Variants in KAZN observed in about 807,000 individuals in gnomAD.
KAZN encodes kazrin, periplakin interacting protein.
In KAZN, 40 loss-of-function variants were observed where a neutral mutation model predicts 87.4. That is an observed-to-expected ratio of 0.46 (90% CI 0.36 to 0.60). KAZN has a LOEUF of 0.60. Among genes scored for constraint, KAZN ranks in the 20% least tolerant of loss-of-function variants. The pLI, the probability that KAZN is intolerant of heterozygous loss-of-function variation, is 0.00. For missense variants in KAZN, 898 were observed against 1,073.9 expected (o/e 0.84, Z 2.29); for synonymous variants, 466 against 458.3 (o/e 1.02, Z -0.22).
intron 1 of KAZN, among the ~76,000 whole-genome samples, chr1:14,665,966 A>G (rs1020519482): frequency 6.6e-6 from 1 of 151,276 alleles, no homozygotes; most frequent in Non-Finnish European, 1.5e-5. Context: ...ACATACAGAA[A>G]GGTCAGGAGA....
At chr1:14,969,259 T>C (rs1006940118) in intron 2 of KAZN, among the ~76,000 whole-genome samples, 7 of 152,254 alleles carry the variant, frequency 4.6e-5, no homozygotes, top group African/African-American at 7.2e-5. Flanking sequence ...GAAAAGCTAC[T>C]TGATGTTTCC....
intron 2 of KAZN, among the ~76,000 whole-genome samples, chr1:14,514,342 A>ATATT (rs1274926094): frequency 5.9e-4 from 16 of 26,970 alleles, no homozygotes; most frequent in African/African-American, 2.6e-3. Flanking sequence ...TTATATATAT[A>ATATT]TTTATATATA....
chr1:14,121,363 T>C (rs1024771237), intron 1 of KAZN, among the ~76,000 whole-genome samples: 1 of 152,172 alleles, frequency 6.6e-6, no homozygotes, highest in African/African-American at 2.4e-5. Context: ...CAAGGAGCAA[T>C]AATTCCACAA....
chr1:14,302,953 G>A (rs113514545), intron 2 of KAZN, among the ~76,000 whole-genome samples: 1,959 of 152,196 alleles, frequency 0.013, 44 homozygotes, highest in African/African-American at 0.045. Flanking sequence ...AGCAAGGTGG[G>A]AACAAGATTG....
chr1:14,745,087 T>C (rs540654390), intron 1 of KAZN, among the ~76,000 whole-genome samples: 2 of 152,096 alleles, frequency 1.3e-5, no homozygotes, highest in Non-Finnish European at 2.9e-5. Context: ...TTGAATCGCC[T>C]TATGACCTAA....
chr1:14,406,659 C>G (rs527405999), intron 2 of KAZN, among the ~76,000 whole-genome samples: 5 of 152,244 alleles, frequency 3.3e-5, no homozygotes, highest in African/African-American at 1.2e-4. Flanking sequence ...CTCATGTAAC[C>G]AAATACCACC....
intron 8 of KAZN, among the ~76,000 whole-genome samples, chr1:15,092,945 A>G (rs1573290296): frequency 6.7e-6 from 1 of 148,198 alleles, no homozygotes; most frequent in African/African-American, 2.5e-5. Flanking sequence ...TTGGTCTGTG[A>G]GGGCCATTCC....
chr1:14,153,543 G>A (rs1280771138), intron 1 of KAZN, among the ~76,000 whole-genome samples: 1 of 152,070 alleles, frequency 6.6e-6, no homozygotes. Context: ...GGGAGGCTGA[G>A]GCAGGCGGAT....
chr1:14,070,982 G>A (rs1020310730), intron 1 of KAZN, among the ~76,000 whole-genome samples: 1 of 152,140 alleles, frequency 6.6e-6, no homozygotes, highest in Non-Finnish European at 1.5e-5. Context: ...GTTGAGTTAG[G>A]ATCCAAACCT....
intron 1 of KAZN, among the ~76,000 whole-genome samples, chr1:14,741,617 T>A (rs544600473): frequency 6.6e-6 from 1 of 152,170 alleles, no homozygotes; most frequent in Non-Finnish European, 1.5e-5. Context: ...TTCTCTTACA[T>A]GAGGCTGAGC....
At chr1:14,157,634 C>A (rs1645622965) in intron 1 of KAZN, among the ~76,000 whole-genome samples, 1 of 152,136 alleles carries the variant, frequency 6.6e-6, no homozygotes, top group Non-Finnish European at 1.5e-5. Context: ...TATTTCTTTT[C>A]TCTGGCTAAT....
At chr1:14,998,709 A>C (rs10449295) in intron 2 of KAZN, among the ~76,000 whole-genome samples, 9 of 151,882 alleles carry the variant, frequency 5.9e-5, no homozygotes, top group Non-Finnish European at 1.2e-4. Context: ...CCACCACACC[A>C]GGCTAATTTT....
intron 2 of KAZN, among the ~76,000 whole-genome samples, chr1:14,320,423 G>T (rs1359659532): frequency 1.3e-5 from 2 of 151,964 alleles, no homozygotes; most frequent in Non-Finnish European, 2.9e-5. Context: ...ACTGAACTGG[G>T]GATTTAATAT....
rs1640801474 is a variant in KAZN at position 15,096,270 on chromosome 1, C to G, written c.1547+1337C>G. 6.6e-6 allele frequency among the ~76,000 whole-genome samples: 1 copy of G among 152,250 alleles called. No individual in the cohort carries two copies. Among genetic ancestry groups the G allele is most frequent in the Non-Finnish European group, 1.5e-5 (1 of 68,040 alleles). On this transcript the variant is annotated intron_variant, in intron 10 of 14. Transcript: ENST00000376030. The surrounding 1 kb of genome is among the most constrained non-coding windows in gnomAD (Gnocchi z 4.5). The stretch of plus-strand genomic sequence containing the variant: ...TTCATCTTTCAAAAACTTCAGGAGT[C>G]TGGGCTACTGCCTGGGTTCCCCCTA...
At chr1:13,929,713 A>C (rs909133882) in intron 1 of KAZN, among the ~76,000 whole-genome samples, 5 of 152,172 alleles carry the variant, frequency 3.3e-5, no homozygotes, top group Admixed American at 3.3e-4. Context: ...TAGGAAAGGG[A>C]TGGGGGCTGG....
At chr1:14,334,508 A>G (rs1214994459) in intron 2 of KAZN, among the ~76,000 whole-genome samples, 1 of 152,052 alleles carries the variant, frequency 6.6e-6, no homozygotes, top group African/African-American at 2.4e-5. Flanking sequence ...AGGCATGGTC[A>G]TCATAAGGAC....
At chr1:14,179,069 G>A (rs992657987) in intron 1 of KAZN, among the ~76,000 whole-genome samples, 1 of 152,116 alleles carries the variant, frequency 6.6e-6, no homozygotes, top group Non-Finnish European at 1.5e-5. Context: ...CAGCTCCCCT[G>A]TAACTGTTCT....
rs371468389 is a variant in KAZN, at chr1:14,818,932, G to A, written c.227-141752G>A. Among the ~76,000 whole-genome samples the A allele has an allele frequency of 2.6e-5, 4 of 152,278 alleles. No individual in the cohort carries two copies. The East Asian group carries it at 7.7e-4, about 29-fold the overall frequency. On this transcript the variant is annotated intron_variant, in intron 1 of 14. Transcript: ENST00000376030. ...TAGCCAGGCATAGTGGCAGGCACCT[G>A]TAATCCCAGCTGCCTGGGAGGCTGA...
At chr1:14,871,964 T>TA (rs1254052441) in intron 1 of KAZN, among the ~76,000 whole-genome samples, 1 of 152,024 alleles carries the variant, frequency 6.6e-6, no homozygotes, top group Admixed American at 6.6e-5. Flanking sequence ...AGATGTCTGT[T>TA]AATCATCTGG....
Sources: allele counts gnomAD v4.1 joint callset (sites outside exome capture counted in the v4.1 genomes callset), GRCh38; gene constraint gnomAD v4.1.1; non-coding constraint Gnocchi (gnomAD v3.1); transcripts MANE v1.5; gene names NCBI Gene and HGNC (gene_info 2026-07-23, HGNC 2026-07-21).